The following ATP7A variants were observed in gnomAD, a reference collection of about 807,000 sequenced individuals.
The protein encoded by ATP7A is copper-transporting ATPase 1.
A neutral mutation model predicts 83.5 loss-of-function variants in ATP7A; 7 were observed. The ratio of observed to expected loss-of-function variants is 0.08; its 90% CI spans 0.05 to 0.16. The LOEUF (loss-of-function observed/expected upper bound fraction) is 0.16, where lower values mean the gene tolerates loss of function less well. Ranked by LOEUF, ATP7A falls within the 10% of genes least tolerant of loss-of-function variation. The pLI, the probability that ATP7A is intolerant of heterozygous loss-of-function variation, is 1.00. For synonymous variants in ATP7A, 354 were observed against 395.2 expected (o/e 0.90, Z 1.24); for missense variants, 940 against 1,120.8 (o/e 0.84, Z 2.30).
chrX:78,043,337 G>A lies in ATP7A; in HGVS notation c.4026G>A (p.Val1342=). 1 of 1,200,853 alleles carries A rather than the reference G, an allele frequency of 8.3e-7. No individual in the cohort carries two copies. Among genetic ancestry groups the A allele is most frequent in the Non-Finnish European group, 1.1e-6 (1 of 885,905 alleles). The change falls in exon 21 of 23, where the codon GTG becomes GTA. Residue 1342 remains valine (V), a synonymous_variant. Transcript: ENST00000341514. ...VLIRNDLLDV[V]ASIDLSRKTV... ...CTTAGAATGATCTTCTGGATGTAGT[G>A]GCAAGTATTGACTTATCAAGAAAGA... is the stretch of plus-strand genomic sequence containing the variant.
At chrX:77,991,919 G>A (rs1010727845) in intron 4 of ATP7A, among the ~76,000 whole-genome samples, 8 of 109,542 alleles carry the variant, frequency 7.3e-5, no homozygotes, top group South Asian at 4.0e-4. Flanking sequence ...GCTACTCAGC[G>A]GGCTAAGGTG....
At chrX:77,923,377 C>T (rs1603370124) in intron 1 of ATP7A, 1 of 110,699 alleles carries the variant, frequency 9.0e-6, no homozygotes, top group East Asian at 2.8e-4. Context: ...ATGCTCTTTC[C>T]ACTCTTTAGG....
intron 13 of ATP7A, 138 bp downstream of exon 13, chrX:78,020,536 AGGG>A: frequency 1.3e-6 from 1 of 761,092 alleles, no homozygotes; most frequent in Non-Finnish European, 1.9e-6. Flanking sequence ...GTTTTGAGAT[AGGG>A]TCTCACTCTG....
intron 1 of ATP7A, chrX:77,966,707 T>TA (rs1429741558): frequency 3.1e-4 from 94 of 304,057 alleles, no homozygotes; most frequent in Non-Finnish European, 5.1e-4. Context: ...TGCAACTACA[T>TA]AGTCATTATG....
At chrX:77,911,205 A>C (rs2077157759) in intron 1 of ATP7A, among the ~76,000 whole-genome samples, 1 of 112,548 alleles carries the variant, frequency 8.9e-6, no homozygotes, top group Admixed American at 9.4e-5. Flanking sequence ...TAAGGTTACT[A>C]AAATGACCAT....
At chrX:77,932,510 G>A (rs1363715959) in intron 1 of ATP7A, among the ~76,000 whole-genome samples, 1 of 112,550 alleles carries the variant, frequency 8.9e-6, no homozygotes, top group Non-Finnish European at 1.9e-5. Flanking sequence ...GGTGGCGGCC[G>A]GGCAGAGGCT....
chrX:77,929,636 CTT>C (rs782018510), intron 1 of ATP7A, among the ~76,000 whole-genome samples: 19 of 96,352 alleles, frequency 2.0e-4, no homozygotes, highest in Admixed American at 2.2e-4. Context: ...TTTTCTTTTT[CTT>C]TTTTTTTTTT....
Position 78,015,851 on chromosome X carries a change from C to T in ATP7A, c.2596C>T (p.His866Tyr), listed in dbSNP as rs782719184. ...AGTGGATGGTCGTGTTATTGAAGGACATTCTATGGTAGATGAGTCCCTCAT... is the reference window on the plus strand; with the variant it reads ...AGTGGATGGTCGTGTTATTGAAGGATATTCTATGGTAGATGAGTCCCTCAT... ...FPVDGRVIEG[H>Y]SMVDESLITG... The change falls in exon 12 of 23, where the codon CAT becomes TAT. Residue 866 changes from histidine (H) to tyrosine (Y), a missense_variant. By Grantham distance (83) the His-to-Tyr change is moderately conservative (BLOSUM62 2). This residue lies in a region of ATP7A where 386 missense variants were observed against 502.2 expected (regional missense o/e 0.77). Transcript: ENST00000341514. 1.7e-6 allele frequency: 2 copies of T among 1,211,615 alleles called. No individual in the cohort carries two copies. Among genetic ancestry groups the T allele is most frequent in the Non-Finnish European group, 2.2e-6 (2 of 895,275 alleles).
Position 78,031,585 on chromosome X carries a change from A to C in ATP7A, c.3294+3A>C, listed in dbSNP as rs2077984224. The C allele has an allele frequency of 8.3e-7, 1 of 1,205,142 alleles. No individual in the cohort carries two copies. On this transcript the variant is annotated splice_donor_region_variant and intron_variant, in intron 16 of 22. Transcript: ENST00000341514. ...CCATAACCAAATATTGCAAACAGGT[A>C]CATTTTTTTCCTCTTGTTTATTAGT...
chrX:77,959,901 T>A (rs1416432475), intron 1 of ATP7A, among the ~76,000 whole-genome samples: 2 of 112,324 alleles, frequency 1.8e-5, no homozygotes, highest in African/African-American at 3.2e-5. Flanking sequence ...CCGGCTATCA[T>A]GAAGCAGTTT....
At chrX:77,998,802 C>T in intron 5 of ATP7A, 118 bp downstream of exon 5, 1 of 818,378 alleles carries the variant, frequency 1.2e-6, no homozygotes, top group East Asian at 3.1e-5. Flanking sequence ...TAAAGATTTT[C>T]AGTAATGTGT....
chrX:77,943,547 TA>T (rs1260431430), intron 1 of ATP7A, among the ~76,000 whole-genome samples: 1 of 111,990 alleles, frequency 8.9e-6, no homozygotes, highest in Non-Finnish European at 1.9e-5. Flanking sequence ...AGCATTTTCT[TA>T]ATTATTTTCC....
intron 21 of ATP7A, among the ~76,000 whole-genome samples, chrX:78,045,246 A>G (rs781874411): frequency 3.6e-5 from 4 of 111,704 alleles, no homozygotes; most frequent in Non-Finnish European, 7.5e-5. Flanking sequence ...CCCTAGGTAT[A>G]TACCCCACAG....
In ATP7A at chrX:78,031,557, C is replaced by G; in HGVS notation, c.3269C>G (p.Thr1090Arg). The G allele has an allele frequency of 8.3e-7, 1 of 1,210,825 alleles. No homozygotes were observed. The highest frequency in any genetic ancestry group is 3.0e-5 in the East Asian group (1 of 33,818). ...AGTAACAGTGAACACCCTCTAGGAACAGCCATAACCAAATATTGCAAACAG... is the reference window on the plus strand; with the variant it reads ...AGTAACAGTGAACACCCTCTAGGAAGAGCCATAACCAAATATTGCAAACAG... ...AESNSEHPLG[T>R]AITKYCKQEL... The change falls in exon 16 of 23, where the codon ACA becomes AGA. Residue 1090 changes from threonine (T) to arginine (R), a missense_variant. Transcript: ENST00000341514.
At chrX:78,003,335 T>C (rs2077753053) in intron 6 of ATP7A, 99 bp downstream of exon 6, 2 of 851,246 alleles carry the variant, frequency 2.3e-6, no homozygotes, top group Admixed American at 4.6e-5. Flanking sequence ...GGGGAAAATA[T>C]TATGAAAATT....
rs1486140106 is a variant in ATP7A, at chrX:78,033,699, T to C, written c.3389T>C (p.Leu1130Pro). 1 of 1,208,287 alleles carries C rather than the reference T, an allele frequency of 8.3e-7. No individual in the cohort carries two copies. The highest frequency in any genetic ancestry group is 1.8e-5 in the African/African-American group (1 of 57,025). The change falls in exon 17 of 23, where the codon CTA becomes CCA. Residue 1130 changes from leucine (L) to proline (P), a missense_variant. By Grantham distance (98) the Leu-to-Pro change is moderately conservative. Around this residue, in one of 3 missense-constraint regions of ATP7A, gnomAD observed 386 missense variants for 502.2 expected, o/e 0.77. Transcript: ENST00000341514. ...AAAGTCACCAATATTGAAGGCTTGC[T>C]ACATAAGAATAACTGGAATATAGAG... ...SCKVTNIEGL[L>P]HKNNWNIEDN...
chrX:77,966,638 G>C (rs1557228775), intron 1 of ATP7A, among the ~76,000 whole-genome samples: 1 of 111,789 alleles, frequency 8.9e-6, no homozygotes, highest in African/African-American at 3.2e-5. Flanking sequence ...TGAGTAGAGA[G>C]GAAATGGGGA....
chrX:77,969,598 C>T lies in ATP7A; in HGVS notation c.-21-2023C>T, dbSNP rs782144704. On this transcript the variant is annotated intron_variant, in intron 1 of 22. Coordinates refer to ENST00000341514, the MANE Select transcript of ATP7A (RefSeq NM_000052.7). ...GAAGCGGTTCTCCAGGTTCCATGTG[C>T]TCTCGCCGTGCCGGATCAGCACCAG... 5.0e-6 allele frequency: 6 copies of T among 1,210,538 alleles called. No homozygotes were observed. In the African/African-American group the frequency reaches 5.2e-5, roughly 11 times the overall value.
rs201788154 is a variant in ATP7A, at chrX:78,014,707, A to G, written c.2452A>G (p.Thr818Ala). 3.5e-4 allele frequency: 423 copies of G among 1,207,206 alleles called. No homozygotes were observed. The highest frequency in any genetic ancestry group is 3.5e-3 in the Middle Eastern group (15 of 4,342). ...TGCAAAGTTAATTTCACTACAAGCT[A>G]CAGAAGCAACTATTGTAACTCTTGA... Reference protein sequence around the residue: ...ALAKLISLQATEATIVTLDSD... With the variant: ...ALAKLISLQAAEATIVTLDSD... The change falls in exon 11 of 23, where the codon ACA (threonine) becomes GCA (alanine). Residue 818 changes from threonine to alanine, a missense_variant. By Grantham distance (58) the Thr-to-Ala change is moderately conservative. This residue lies in a region of ATP7A where 204 missense variants were observed against 185.8 expected (regional missense o/e 1.10). Coordinates refer to ENST00000341514, the MANE Select transcript of ATP7A (RefSeq NM_000052.7).
Sources: allele counts gnomAD v4.1 joint callset (sites outside exome capture counted in the v4.1 genomes callset), GRCh38; gene constraint gnomAD v4.1.1; regional missense constraint gnomAD v4.1.1; transcripts MANE v1.5; gene names NCBI Gene and HGNC (gene_info 2026-07-23, HGNC 2026-07-21).